CYTH4: variants seen among roughly 807,000 people sequenced by gnomAD.
CYTH4 encodes cytohesin-4.
CYTH4 carries 22 observed loss-of-function variants against 57.5 expected under a neutral mutation model. The ratio of observed to expected loss-of-function variants is 0.38; its 90% CI spans 0.27 to 0.55. CYTH4 has a LOEUF of 0.55. Among genes scored for constraint, CYTH4 ranks in the 20% least tolerant of loss-of-function variants. CYTH4 has a pLI of 0.74. For missense variants in CYTH4, 420 were observed against 535.6 expected (o/e 0.78, Z 2.13); for synonymous variants, 186 against 206.5 (o/e 0.90, Z 0.85).
chr22:37,303,118 GGCCTCAAAGCCCAA>G lies in CYTH4; in HGVS notation c.548-132_548-119del, dbSNP rs112396890. 6.6e-3 allele frequency: 8,564 copies of G among 1,301,728 alleles called. 355 individuals are homozygous for G. The African/African-American group carries it at 0.1, about 16-fold the overall frequency. The allele number at this position is 1,301,728 out of a possible 1,614,324, so 80.6% of individuals were successfully genotyped here. A position where few individuals can be genotyped will look rare whatever the true frequency, so the allele number is the denominator to read the frequency against. ...AAGAGTGGGAAGGGAGAGGAGGCTG[GGCCTCAAAGCCCAA>G]GCCAGGAGGACAAGGTGGACCTTCG... On this transcript the variant is annotated intron_variant, in intron 7 of 12. Coordinates refer to ENST00000248901, the MANE Select transcript of CYTH4 (RefSeq NM_013385.5).
At position 37,300,231 on chromosome 22, in the gene CYTH4, C is replaced by T. The variant is rs1427253999; in HGVS notation, c.435-676C>T. The T allele has an allele frequency of 7.0e-6, 5 of 717,262 alleles. No homozygotes were observed. The East Asian group carries it at 1.3e-4, about 19-fold the overall frequency. The allele number at this position is 717,262 out of a possible 1,614,324, so 44.4% of individuals were successfully genotyped here. A position where few individuals can be genotyped will look rare whatever the true frequency, so the allele number is the denominator to read the frequency against. On this transcript the variant is annotated intron_variant, in intron 6 of 12. Coordinates refer to ENST00000248901, the MANE Select transcript of CYTH4 (RefSeq NM_013385.5). ...ATACAGAGAAGGAAGAAGCCACCACCATCCAGTGTTCTCTAACTCCCAGCT... is the reference window on the plus strand; with the variant it reads ...ATACAGAGAAGGAAGAAGCCACCACTATCCAGTGTTCTCTAACTCCCAGCT...
rs201119347 is a variant in CYTH4 at position 37,313,531 on chromosome 22, G to A, written c.*20G>A. 177 of 1,612,810 alleles carry A rather than the reference G, an allele frequency of 1.1e-4. No homozygotes were observed. The African/African-American group carries it at 1.3e-3, about 12-fold the overall frequency. ...CAGTGAGATTCCTGGAGGTGGCACT[G>A]GGGGCTGGTCACCCTGAGAGTCCCA... On this transcript the variant is annotated 3_prime_UTR_variant, in exon 13 of 13. Transcript: ENST00000248901.
chr22:37,286,460 A>G (rs1324824588), intron 1 of CYTH4, among the ~76,000 whole-genome samples: 2 of 152,158 alleles, frequency 1.3e-5, no homozygotes, highest in Non-Finnish European at 2.9e-5. Context: ...CTGGCGCACC[A>G]TGGGTGCTCA....
Position 37,295,370 on chromosome 22 carries a change from A to G in CYTH4, c.168-629A>G, listed in dbSNP as rs990872231. 1.3e-5 allele frequency among the ~76,000 whole-genome samples: 2 copies of G among 150,326 alleles called. No individual in the cohort carries two copies. The highest frequency in any genetic ancestry group is 4.9e-5 in the African/African-American group (2 of 40,580). ...GTCCAGCCTCCTCCCCTCCCCCACC[A>G]CACACATGCACACACACACACGCAT... On this transcript the variant is annotated intron_variant, in intron 3 of 12. Coordinates refer to ENST00000248901, the MANE Select transcript of CYTH4 (RefSeq NM_013385.5). The surrounding 1 kb of genome is among the most constrained non-coding windows in gnomAD (Gnocchi z 4.1).
At chr22:37,296,124 C>T in intron 4 of CYTH4, 59 bp downstream of exon 4, 1 of 1,529,608 alleles carries the variant, frequency 6.5e-7, no homozygotes. Context: ...GAGCACCTGC[C>T]TGGTGTCCTC....
intron 1 of CYTH4, among the ~76,000 whole-genome samples, chr22:37,290,207 C>T (rs1228139101): frequency 6.6e-6 from 1 of 152,144 alleles, no homozygotes; most frequent in Non-Finnish European, 1.5e-5. Context: ...TCTATGTACC[C>T]CCACTCAAAT....
intron 1 of CYTH4, among the ~76,000 whole-genome samples, chr22:37,286,261 G>A (rs1033030291): frequency 3.9e-5 from 6 of 152,178 alleles, no homozygotes; most frequent in South Asian, 2.1e-4. Flanking sequence ...GTAAGCCTCC[G>A]AGCCCCAGAT....
intron 8 of CYTH4, chr22:37,304,338 G>A (rs1929317864): frequency 2.2e-6 from 1 of 451,004 alleles, no homozygotes; most frequent in African/African-American, 2.0e-5. Flanking sequence ...AGAGGGTCCA[G>A]GGCTTCCAAT....
intron 12 of CYTH4, among the ~76,000 whole-genome samples, chr22:37,312,658 A>G (rs1240727540): frequency 6.6e-6 from 1 of 152,212 alleles, no homozygotes; most frequent in South Asian, 2.1e-4. Context: ...TGAGCATGAC[A>G]AAGCCACAGC....
rs1299112721 is a variant in CYTH4 at position 37,311,083 on chromosome 22, G to A, written c.885+19G>A. 6.2e-7 allele frequency: 1 copy of A among 1,613,082 alleles called. No individual in the cohort carries two copies. Reference sequence around the variant, plus strand: ...CACCACTGTGAGCAGGGTTCTCCTGGGCCTTCCCCTGCCCCCGCCTCTCCC... The same window carrying A: ...CACCACTGTGAGCAGGGTTCTCCTGAGCCTTCCCCTGCCCCCGCCTCTCCC... On this transcript the variant is annotated intron_variant, in intron 10 of 12. Coordinates refer to ENST00000248901, the MANE Select transcript of CYTH4 (RefSeq NM_013385.5). The surrounding 1 kb of genome is among the most constrained non-coding windows in gnomAD (Gnocchi z 4.4).
At chr22:37,288,142 C>T (rs549930450) in intron 1 of CYTH4, among the ~76,000 whole-genome samples, 14 of 152,160 alleles carry the variant, frequency 9.2e-5, no homozygotes, top group African/African-American at 1.4e-4. Flanking sequence ...TGGCCCAGTG[C>T]GGTGGCTCAC....
rs768463884 is a variant in CYTH4 at position 37,294,740 on chromosome 22, G to A, written c.167+16G>A. ...CGGAGGAGAGGTGAGGGGCTTGGGT[G>A]GGGACCCCCAGAAACTGCCATGGTT... is the stretch of plus-strand genomic sequence containing the variant. On this transcript the variant is annotated intron_variant, in intron 3 of 12. Transcript: ENST00000248901. The A allele has an allele frequency of 5.0e-6, 8 of 1,613,618 alleles. No individual in the cohort carries two copies. In the African/African-American group the frequency reaches 9.3e-5, roughly 19 times the overall value.
intron 2 of CYTH4, among the ~76,000 whole-genome samples, 200 bp downstream of exon 2, chr22:37,292,903 C>T (rs1569106230): frequency 2.0e-5 from 3 of 152,062 alleles, no homozygotes; most frequent in African/African-American, 4.8e-5. Context: ...CTGGGAGAGC[C>T]GGGGAGGGAG....
intron 1 of CYTH4, among the ~76,000 whole-genome samples, chr22:37,283,871 G>A (rs552181029): frequency 7.7e-4 from 118 of 152,270 alleles, no homozygotes; most frequent in African/African-American, 2.8e-3. Flanking sequence ...GCAGACATGA[G>A]GGTGGGATGA....
chr22:37,289,931 A>T (rs1299677196), intron 1 of CYTH4, among the ~76,000 whole-genome samples: 1 of 152,178 alleles, frequency 6.6e-6, no homozygotes, highest in African/African-American at 2.4e-5. Flanking sequence ...GTTAGGTCTC[A>T]AGAGTGGCAC....
Position 37,313,667 on chromosome 22 carries a change from C to A in CYTH4, c.*156C>A. 1 of 710,970 alleles carries A rather than the reference C, an allele frequency of 1.4e-6. No homozygotes were observed. Among genetic ancestry groups the A allele is most frequent in the South Asian group, 1.8e-5 (1 of 56,242 alleles). 44.0% of individuals were successfully genotyped at this position (710,970 alleles called of 1,614,324 possible). A position where few individuals can be genotyped will look rare whatever the true frequency, so the allele number is the denominator to read the frequency against. ...GCTGACTCTAGAGGGGAAGGCAGAG[C>A]TCAGGAGGGTGGGTGGGAGCTGCAG... On this transcript the variant is annotated 3_prime_UTR_variant, in exon 13 of 13. Coordinates refer to ENST00000248901, the MANE Select transcript of CYTH4 (RefSeq NM_013385.5).
chr22:37,302,344 T>G (rs1929214781), intron 7 of CYTH4, among the ~76,000 whole-genome samples: 1 of 152,232 alleles, frequency 6.6e-6, no homozygotes, highest in Admixed American at 6.5e-5. Flanking sequence ...CAGATTTGAA[T>G]CACGGTCCAA....
chr22:37,297,453 A>G, intron 4 of CYTH4, 111 bp from the exon 5 acceptor site: 1 of 925,396 alleles, frequency 1.1e-6, no homozygotes, highest in South Asian at 1.4e-5. Context: ...CTGTGCCAAC[A>G]CCAGAATGCC....
chr22:37,308,315 GTGTGTC>G (rs1368993475), intron 8 of CYTH4, among the ~76,000 whole-genome samples: 4 of 152,254 alleles, frequency 2.6e-5, no homozygotes, highest in African/African-American at 7.2e-5. Context: ...GTGTGTTTGT[GTGTGTC>G]TGTGTCTGTG....
Sources: allele counts gnomAD v4.1 joint callset (sites outside exome capture counted in the v4.1 genomes callset), GRCh38; gene constraint gnomAD v4.1.1; non-coding constraint Gnocchi (gnomAD v3.1); transcripts MANE v1.5; gene names NCBI Gene and HGNC (gene_info 2026-07-23, HGNC 2026-07-21).